ARMC9: variants seen among roughly 807,000 people sequenced by gnomAD.
The protein encoded by ARMC9 is armadillo repeat containing 9, also known as lisH domain-containing protein ARMC9.
ARMC9 carries 94 observed loss-of-function variants against 107.0 expected under a neutral mutation model. The ratio of observed to expected loss-of-function variants is 0.88; its 90% CI spans 0.74 to 1.04. The LOEUF is 1.04. Among genes scored for constraint, ARMC9 ranks in the 50% least tolerant of loss-of-function variants. The probability of loss-of-function intolerance (pLI) is 0.00; values close to 1 mark genes in which losing one functional copy is unlikely to be tolerated. For missense variants in ARMC9, 942 were observed against 1,030.1 expected, an observed-to-expected ratio of 0.91 and a Z score of 1.17; for synonymous variants, 380 against 396.9, an observed-to-expected ratio of 0.96 and a Z score of 0.51.
chr2:231,335,394 G>C (rs553785695), intron 20 of ARMC9, among the ~76,000 whole-genome samples: 1 of 152,188 alleles, frequency 6.6e-6, no homozygotes, highest in Non-Finnish European at 1.5e-5. Flanking sequence ...TGGGGCGTCC[G>C]CCAGAGTGTT....
At chr2:231,289,663 G>C (rs1019531794) in intron 17 of ARMC9, among the ~76,000 whole-genome samples, 25 of 152,130 alleles carry the variant, frequency 1.6e-4, no homozygotes, top group Non-Finnish European at 3.5e-4. Context: ...CTGTCTCTCT[G>C]GTACGACAAG....
chr2:231,215,864 A>G (rs2033443811), intron 4 of ARMC9, among the ~76,000 whole-genome samples: 1 of 152,214 alleles, frequency 6.6e-6, no homozygotes, highest in South Asian at 2.1e-4. Context: ...GGAAGATCAC[A>G]GGAGATTTTC....
At chr2:231,270,555 G>A (rs562434582) in intron 12 of ARMC9, 32 of 459,944 alleles carry the variant, frequency 7.0e-5, no homozygotes, top group African/African-American at 3.4e-4. Context: ...GAATTGTGGC[G>A]TTATCGTTTC....
chr2:231,292,711 C>T (rs2041100144), intron 18 of ARMC9, among the ~76,000 whole-genome samples: 1 of 152,218 alleles, frequency 6.6e-6, no homozygotes, highest in East Asian at 1.9e-4. Context: ...TCTCCATGCC[C>T]TTCCCTGACA....
intron 12 of ARMC9, among the ~76,000 whole-genome samples, chr2:231,263,930 C>T (rs1190514916): frequency 6.6e-6 from 1 of 152,118 alleles, no homozygotes; most frequent in Admixed American, 6.5e-5. Flanking sequence ...TTCATTGAGT[C>T]GAAGATACAC....
chr2:231,308,326 C>G (rs2042147289), intron 19 of ARMC9, among the ~76,000 whole-genome samples: 1 of 152,178 alleles, frequency 6.6e-6, no homozygotes. Flanking sequence ...AACCAAAGTT[C>G]AGAGAGGTTC....
chr2:231,269,399 T>TTC (rs1491253217), intron 12 of ARMC9, among the ~76,000 whole-genome samples: 1 of 100,190 alleles, frequency 1.0e-5, no homozygotes, highest in Non-Finnish European at 1.7e-5. Flanking sequence ...TTTCTTCTTC[T>TTC]TTTTTTTTTT....
At chr2:231,319,152 A>AG (rs1421968407) in intron 19 of ARMC9, among the ~76,000 whole-genome samples, 1 of 152,208 alleles carries the variant, frequency 6.6e-6, no homozygotes, top group Non-Finnish European at 1.5e-5. Flanking sequence ...AAGTGATCAA[A>AG]GTGCTAGTTT....
At chr2:231,270,835 T>G (rs1452256380) in intron 12 of ARMC9, 147 bp from the exon 13 acceptor site, 5 of 746,106 alleles carry the variant, frequency 6.7e-6, no homozygotes, top group Non-Finnish European at 1.2e-5. Context: ...AAAACAAGGA[T>G]TCCAGATGAA....
chr2:231,252,705 T>A (rs2037411200), intron 9 of ARMC9, among the ~76,000 whole-genome samples: 1 of 151,754 alleles, frequency 6.6e-6, no homozygotes, highest in Non-Finnish European at 1.5e-5. Context: ...GGTGTGATCT[T>A]AGCTCACTGC....
intron 12 of ARMC9, among the ~76,000 whole-genome samples, chr2:231,263,792 T>C (rs1176269534): frequency 6.6e-6 from 1 of 152,260 alleles, no homozygotes; most frequent in African/African-American, 2.4e-5. Context: ...CTTGCTTTTT[T>C]TTCCTGTTTG....
In ARMC9 at chr2:231,376,147, GTAA is replaced by G. The variant is rs1236549895; in HGVS notation, c.*4617_*4619del. ...GGGATGTATGTTGCCTCAGGACCCT[GTAA>G]TAATTGCATTAACTGCACAAATTGT... is the stretch of plus-strand genomic sequence containing the variant. On this transcript the variant is annotated 3_prime_UTR_variant, in exon 25 of 25. Transcript: ENST00000611582. 2.6e-5 allele frequency among the ~76,000 whole-genome samples: 4 copies of G among 152,202 alleles called. No homozygotes were observed. Among genetic ancestry groups the G allele is most frequent in the South Asian group, 2.1e-4 (1 of 4,814 alleles).
chr2:231,207,829 G>A lies in ARMC9; in HGVS notation c.52-298G>A, dbSNP rs148537712. ...CTCCATACAGTTTTCTATAATGGCC[G>A]TACCAATTTACAGTCTCACCAAGAG... is the stretch of plus-strand genomic sequence containing the variant. On this transcript the variant is annotated intron_variant, in intron 2 of 24. Coordinates refer to ENST00000611582, the MANE Select transcript of ARMC9 (RefSeq NM_001352754.2). Among the ~76,000 whole-genome samples the A allele has an allele frequency of 3.4e-3, 511 of 152,234 alleles. 4 individuals carry two copies. Among genetic ancestry groups the A allele is most frequent in the African/African-American group, 0.012 (486 of 41,548 alleles).
intron 19 of ARMC9, among the ~76,000 whole-genome samples, chr2:231,329,488 T>A (rs894830292): frequency 6.6e-6 from 1 of 152,136 alleles, no homozygotes; most frequent in Non-Finnish European, 1.5e-5. Context: ...TTTGTATTTT[T>A]AGTAGAGATG....
At position 231,222,820 on chromosome 2, in the gene ARMC9, T is replaced by C; in HGVS notation, c.597T>C (p.Tyr199=). 6.4e-7 allele frequency: 1 copy of C among 1,560,296 alleles called. No individual in the cohort carries two copies. The highest frequency in any genetic ancestry group is 8.8e-7 in the Non-Finnish European group (1 of 1,139,544). The change falls in exon 6 of 25, where the codon TAT becomes TAC. Residue 199 remains tyrosine (Y), a splice_region_variant and synonymous_variant. Coordinates refer to ENST00000611582, the MANE Select transcript of ARMC9 (RefSeq NM_001352754.2). ...ACACGCCAAAGCTTTTAACAATATA[T>C]GTATCCTTTTGAAGCAAATAGAGAC... The part of the protein sequence containing the change: ...ASNTPKLLTI[Y]KENGQSNKEI...
At chr2:231,282,408 G>T (rs1373586410) in intron 17 of ARMC9, among the ~76,000 whole-genome samples, 1 of 152,212 alleles carries the variant, frequency 6.6e-6, no homozygotes, top group Non-Finnish European at 1.5e-5. Flanking sequence ...TAGACATTCT[G>T]ATGGCAACCA....
chr2:231,224,724 T>G (rs1367199301), intron 6 of ARMC9, among the ~76,000 whole-genome samples: 3 of 152,210 alleles, frequency 2.0e-5, no homozygotes, highest in Non-Finnish European at 4.4e-5. Flanking sequence ...TTCAATACAT[T>G]AAGCTTCTAC....
chr2:231,283,250 C>T (rs1479542228), intron 17 of ARMC9, among the ~76,000 whole-genome samples: 1 of 151,810 alleles, frequency 6.6e-6, no homozygotes, highest in African/African-American at 2.4e-5. Flanking sequence ...CAGAAGGAGA[C>T]GAATGTGAGC....
intron 14 of ARMC9, among the ~76,000 whole-genome samples, chr2:231,274,417 A>G (rs958726256): frequency 2.0e-5 from 3 of 152,126 alleles, no homozygotes; most frequent in African/African-American, 7.2e-5. Flanking sequence ...CGCCCGGCCT[A>G]CACCACATTT....
Sources: allele counts gnomAD v4.1 joint callset (sites outside exome capture counted in the v4.1 genomes callset), GRCh38; gene constraint gnomAD v4.1.1; transcripts MANE v1.5; gene names NCBI Gene and HGNC (gene_info 2026-07-23, HGNC 2026-07-21).